MCC: variants seen among roughly 807,000 people sequenced by gnomAD.
MCC encodes the protein colorectal mutant cancer protein.
Under a neutral mutation model 116.2 loss-of-function variants are expected in MCC, and 90 were observed. The ratio of observed to expected loss-of-function variants is 0.77; its 90% CI spans 0.65 to 0.92. MCC has a LOEUF of 0.92. MCC is among the 40% of genes least tolerant of loss of function. The pLI is 0.00. For missense variants in MCC, 1,516 were observed against 1,312.2 expected (o/e 1.16, Z -2.40); for synonymous variants, 578 against 510.5 (o/e 1.13, Z -1.78).
chr5:113,327,916 A>G (rs1419421287), intron 3 of MCC, among the ~76,000 whole-genome samples: 2 of 152,106 alleles, frequency 1.3e-5, no homozygotes, highest in Non-Finnish European at 2.9e-5. Flanking sequence ...AATACCTAAT[A>G]GTATTATTCC....
At chr5:113,055,477 G>A (rs1364159757) in intron 14 of MCC, among the ~76,000 whole-genome samples, 2 of 152,192 alleles carry the variant, frequency 1.3e-5, no homozygotes, top group Non-Finnish European at 1.5e-5. Flanking sequence ...GAGAGATGGT[G>A]GCTGGAGCTT....
At chr5:113,419,386 A>G (rs1770252721) in intron 1 of MCC, among the ~76,000 whole-genome samples, 1 of 149,462 alleles carries the variant, frequency 6.7e-6, no homozygotes, top group Non-Finnish European at 1.5e-5. Context: ...CTTGGTAGAG[A>G]TGGGTCTCGT....
At chr5:113,406,465 C>G (rs190283162) in intron 1 of MCC, among the ~76,000 whole-genome samples, 2 of 152,270 alleles carry the variant, frequency 1.3e-5, no homozygotes, top group Non-Finnish European at 2.9e-5. Flanking sequence ...TTAACTCCTG[C>G]CCGTATAAAC....
intron 1 of MCC, among the ~76,000 whole-genome samples, chr5:113,487,591 A>G (rs530395207): frequency 6.6e-6 from 1 of 152,298 alleles, no homozygotes; most frequent in East Asian, 1.9e-4. Context: ...GCCGAAGCTC[A>G]CCTGGTCAGC....
chr5:113,364,251 A>C (rs1394813048), intron 2 of MCC, among the ~76,000 whole-genome samples: 1 of 129,188 alleles, frequency 7.7e-6, no homozygotes, highest in African/African-American at 3.3e-5. Flanking sequence ...AAAAAAAAAA[A>C]AAAAAAAAAC....
intron 3 of MCC, among the ~76,000 whole-genome samples, chr5:113,183,164 T>A (rs1293578856): frequency 2.0e-5 from 3 of 152,150 alleles, no homozygotes; most frequent in Non-Finnish European, 2.9e-5. Context: ...AGCGGCCCCA[T>A]CTGCTCCTCA....
chr5:113,098,947 C>G (rs1168299534), intron 8 of MCC, among the ~76,000 whole-genome samples: 1 of 152,192 alleles, frequency 6.6e-6, no homozygotes, highest in Non-Finnish European at 1.5e-5. Context: ...ACCTCAGTCA[C>G]TCTGCAGAGC....
intron 15 of MCC, among the ~76,000 whole-genome samples, chr5:113,050,497 A>G (rs1752417488): frequency 1.3e-5 from 2 of 152,352 alleles, no homozygotes; most frequent in Admixed American, 6.5e-5. Context: ...GGAAATGGGT[A>G]GAGGACACCC....
intron 15 of MCC, among the ~76,000 whole-genome samples, chr5:113,052,480 G>A (rs1332786002): frequency 1.3e-5 from 2 of 151,808 alleles, no homozygotes; most frequent in Non-Finnish European, 2.9e-5. Flanking sequence ...GGGGGTGGGA[G>A]GTAAGATTCC....
intron 3 of MCC, among the ~76,000 whole-genome samples, chr5:113,249,094 G>A (rs566713933): frequency 2.3e-4 from 35 of 151,732 alleles, no homozygotes; most frequent in African/African-American, 6.0e-4. Flanking sequence ...TGCCTGCCTC[G>A]GCCTCCCAAA....
At chr5:113,485,584 T>C (rs1772498238) in intron 1 of MCC, among the ~76,000 whole-genome samples, 1 of 143,218 alleles carries the variant, frequency 7.0e-6, no homozygotes, top group African/African-American at 2.7e-5. Context: ...AATTTGGGGA[T>C]GAAGAGGGAG....
intron 5 of MCC, among the ~76,000 whole-genome samples, chr5:113,123,853 G>C (rs1471079093): frequency 6.6e-6 from 1 of 152,188 alleles, no homozygotes; most frequent in Non-Finnish European, 1.5e-5. Context: ...AGAAAGCTAG[G>C]AATCAGAGAA....
At chr5:113,363,509 C>G (rs1163989109) in intron 2 of MCC, among the ~76,000 whole-genome samples, 2 of 152,092 alleles carry the variant, frequency 1.3e-5, no homozygotes, top group Non-Finnish European at 1.5e-5. Flanking sequence ...GTTCTACACA[C>G]TTTGAACCAA....
chr5:113,105,020 C>A (rs112704153), intron 6 of MCC, among the ~76,000 whole-genome samples: 1,627 of 152,290 alleles, frequency 0.011, 34 homozygotes, highest in African/African-American at 0.037. Flanking sequence ...CATCCAGGGC[C>A]TGGTCAGAGA....
At chr5:113,470,851 C>T (rs1439991170) in intron 1 of MCC, among the ~76,000 whole-genome samples, 3 of 152,116 alleles carry the variant, frequency 2.0e-5, no homozygotes, top group East Asian at 1.9e-4. Flanking sequence ...TCACATAGTC[C>T]CATATTTCTT....
At position 113,384,957 on chromosome 5, in the gene MCC, G is replaced by T. The variant is rs376162074; in HGVS notation, c.415+11C>A. ...TGGAGTGCCATAAAACTGCCACCTG[G>T]TTATACCTACCCAAACTGTTGTCAC... is the stretch of plus-strand genomic sequence containing the variant. On this transcript the variant is annotated intron_variant, in intron 2 of 18. Coordinates refer to ENST00000408903, the MANE Select transcript of MCC (RefSeq NM_001085377.2). The T allele has an allele frequency of 3.7e-6, 6 of 1,614,016 alleles. No homozygotes were observed. Among genetic ancestry groups the T allele is most frequent in the Non-Finnish European group, 5.1e-6 (6 of 1,179,922 alleles).
chr5:113,414,436 A>G (rs1770085017), intron 1 of MCC, among the ~76,000 whole-genome samples: 1 of 152,164 alleles, frequency 6.6e-6, no homozygotes, highest in Non-Finnish European at 1.5e-5. Context: ...GACTTGCTTT[A>G]TGAATCTGGG....
At chr5:113,264,112 T>C (rs1385184616) in intron 3 of MCC, among the ~76,000 whole-genome samples, 1 of 152,218 alleles carries the variant, frequency 6.6e-6, no homozygotes, top group Non-Finnish European at 1.5e-5. Context: ...ATTTTTCAGT[T>C]GTAAGACTTT....
At chr5:113,046,710 A>AAAAAAGAG in intron 16 of MCC, among the ~76,000 whole-genome samples, 2 of 102,410 alleles carry the variant, frequency 2.0e-5, no homozygotes, top group African/African-American at 8.0e-5. Context: ...AAAAAAAAAA[A>AAAAAAGAG]AGAGAGAGAT....
Sources: gnomAD v4.1 joint callset for allele counts (sites outside exome capture counted in the v4.1 genomes callset) on GRCh38, gnomAD v4.1.1 for gene constraint, MANE v1.5 for transcripts, NCBI Gene and HGNC (gene_info 2026-07-23, HGNC 2026-07-21) for gene names.